Variants in MASP1 observed in about 807,000 individuals in gnomAD.
MASP1 encodes the protein mannan-binding lectin serine protease 1.
Under a neutral mutation model 77.1 loss-of-function variants are expected in MASP1, and 59 were observed. The observed-to-expected ratio is 0.77, with a 90% CI of 0.62 to 0.95. The LOEUF (loss-of-function observed/expected upper bound fraction) is 0.95, where lower values mean the gene tolerates loss of function less well. MASP1 is among the 40% of genes least tolerant of loss of function. The pLI, the probability that MASP1 is intolerant of heterozygous loss-of-function variation, is 0.00. For synonymous variants in MASP1, 362 were observed against 354.5 expected (o/e 1.02, Z -0.24); for missense variants, 885 against 912.9 (o/e 0.97, Z 0.39).
chr3:187,276,407 A>T (rs934581183), intron 2 of MASP1, among the ~76,000 whole-genome samples: 1 of 152,244 alleles, frequency 6.6e-6, no homozygotes, highest in African/African-American at 2.4e-5. Context: ...TAGGCACTGG[A>T]TGAATATTTG....
intron 4 of MASP1, among the ~76,000 whole-genome samples, chr3:187,257,127 G>T (rs1260458507): frequency 6.6e-6 from 1 of 151,992 alleles, no homozygotes; most frequent in Non-Finnish European, 1.5e-5. Flanking sequence ...CTCTGGTATG[G>T]GGGTCAGGGA....
chr3:187,267,082 C>T (rs1419457430), intron 2 of MASP1, among the ~76,000 whole-genome samples: 1 of 152,116 alleles, frequency 6.6e-6, no homozygotes, highest in Admixed American at 6.5e-5. Context: ...AAATTGAAGC[C>T]CAGATAATTT....
chr3:187,286,307 A>G (rs72549266), intron 1 of MASP1, among the ~76,000 whole-genome samples: 112 of 152,368 alleles, frequency 7.4e-4, no homozygotes, highest in Middle Eastern at 6.8e-3. Context: ...CCTAGAAAGT[A>G]TCACATTTGG....
intron 2 of MASP1, among the ~76,000 whole-genome samples, 154 bp from the exon 3 acceptor site, chr3:187,262,874 C>T (rs1480629767): frequency 1.3e-5 from 2 of 152,304 alleles, no homozygotes; most frequent in East Asian, 1.9e-4. Context: ...TGAGAAAAGA[C>T]GCATTACAAG....
chr3:187,217,323 T>C (rs1181217808), exon 16 of MASP1: 1 of 152,228 alleles, frequency 6.6e-6, no homozygotes, highest in Non-Finnish European at 1.5e-5. Context: ...ATGTTTGTTT[T>C]TTCATACGAG....
intron 2 of MASP1, among the ~76,000 whole-genome samples, chr3:187,274,426 G>T (rs528545958): frequency 2.0e-5 from 3 of 152,126 alleles, no homozygotes; most frequent in Non-Finnish European, 4.4e-5. Context: ...ACAACATCAG[G>T]ATGTTCTGAC....
At chr3:187,259,967 C>A (rs116255446) in intron 4 of MASP1, among the ~76,000 whole-genome samples, 2 of 152,164 alleles carry the variant, frequency 1.3e-5, no homozygotes, top group Non-Finnish European at 2.9e-5. Flanking sequence ...GAAGGCCCTT[C>A]TTCTCTTTAT....
chr3:187,228,350 A>G (rs1365705532), intron 11 of MASP1, among the ~76,000 whole-genome samples: 1 of 151,868 alleles, frequency 6.6e-6, no homozygotes, highest in Admixed American at 6.6e-5. Context: ...GGTGCACACA[A>G]TCCATCTCTC....
intron 14 of MASP1, chr3:187,221,150 G>A: frequency 6.3e-7 from 1 of 1,598,536 alleles, no homozygotes; most frequent in Non-Finnish European, 8.6e-7. Flanking sequence ...ACACAAAGCT[G>A]TTATTGGTCC....
At position 187,235,611 on chromosome 3, in the gene MASP1, A is replaced by T. The variant is rs1713083670; in HGVS notation, c.*73T>A. 1 of 1,604,236 alleles carries T rather than the reference A, an allele frequency of 6.2e-7. No individual in the cohort carries two copies. The highest frequency in any genetic ancestry group is 8.5e-7 in the Non-Finnish European group (1 of 1,179,516). On this transcript the variant is annotated 3_prime_UTR_variant, in exon 11 of 11. Transcript: ENST00000296280. ...TTCCATTCCATATGGTCTGATAAGT[A>T]ATGTGGAGTGTGCTGTCGGAAGTGC...
intron 11 of MASP1, among the ~76,000 whole-genome samples, chr3:187,227,958 T>C (rs1236094335): frequency 6.6e-6 from 1 of 152,098 alleles, no homozygotes; most frequent in Non-Finnish European, 1.5e-5. Flanking sequence ...CTCCTATCCT[T>C]CCCCTGCTCT....
At chr3:187,289,754 A>T (rs1315882304) in intron 1 of MASP1, among the ~76,000 whole-genome samples, 9 of 152,162 alleles carry the variant, frequency 5.9e-5, no homozygotes, top group Non-Finnish European at 1.0e-4. Flanking sequence ...AGTAGAAAAA[A>T]TCCTGAACTT....
At chr3:187,228,392 T>C (rs1308325128) in intron 11 of MASP1, among the ~76,000 whole-genome samples, 1 of 152,148 alleles carries the variant, frequency 6.6e-6, no homozygotes, top group Non-Finnish European at 1.5e-5. Context: ...CGGAGCTGTC[T>C]GGTGAAGCAG....
chr3:187,245,976 G>A lies in MASP1; in HGVS notation c.1091-2355C>T, dbSNP rs188811628. ...CCTGGCACTCAGGCCTGGGGGTTTG[G>A]GCTCTAGCCCCCTCCCTGGCCTCAT... is the stretch of plus-strand genomic sequence containing the variant. On this transcript the variant is annotated intron_variant, in intron 8 of 10. Transcript: ENST00000296280. Among the ~76,000 whole-genome samples the A allele has an allele frequency of 2.1e-3, 324 of 152,268 alleles. 1 individual carries two copies. The highest frequency in any genetic ancestry group is 3.5e-3 in the Admixed American group (53 of 15,304).
intron 9 of MASP1, 139 bp from the exon 10 acceptor site, chr3:187,241,694 T>C (rs1268193544): frequency 8.9e-6 from 6 of 673,800 alleles, no homozygotes; most frequent in Non-Finnish European, 1.4e-5. Flanking sequence ...TCAGATACGA[T>C]TGTCTCTGAG....
chr3:187,264,063 A>G (rs1370079859), intron 2 of MASP1, among the ~76,000 whole-genome samples: 1 of 152,216 alleles, frequency 6.6e-6, no homozygotes, highest in African/African-American at 2.4e-5. Context: ...GGCTATCTCT[A>G]GTAGCTTCTA....
exon 16 of MASP1, chr3:187,219,988 G>T: frequency 6.9e-7 from 1 of 1,455,854 alleles, no homozygotes; most frequent in Non-Finnish European, 9.6e-7. Context: ...AGGAAGGAAA[G>T]GAGAAATGGC....
chr3:187,251,669 G>A lies in MASP1; in HGVS notation c.976C>T (p.Leu326Phe). The change falls in exon 7 of 11, where the codon CTC becomes TTC. Residue 326 changes from leucine to phenylalanine, a missense_variant. Coordinates refer to ENST00000296280, the MANE Select transcript of MASP1 (RefSeq NM_139125.4). ...TTGTAGCCTGTGTCACAGCTGACGA[G>A]CACTTGGTCTTTGAAGAAATACTTG... ...QAKYFFKDQV[L>F]VSCDTGYKVL... is the part of the protein sequence containing the mutation. 1 of 1,614,208 alleles carries A rather than the reference G, an allele frequency of 6.2e-7. No individual in the cohort carries two copies. Among genetic ancestry groups the A allele is most frequent in the Non-Finnish European group, 8.5e-7 (1 of 1,180,034 alleles).
At chr3:187,221,809 C>A (rs1712076648) in intron 14 of MASP1, among the ~76,000 whole-genome samples, 1 of 152,056 alleles carries the variant, frequency 6.6e-6, no homozygotes, top group Non-Finnish European at 1.5e-5. Flanking sequence ...TTAGTAGATA[C>A]CCAGAAAATA....
Sources: gnomAD v4.1 joint callset for allele counts (sites outside exome capture counted in the v4.1 genomes callset) on GRCh38, gnomAD v4.1.1 for gene constraint, MANE v1.5 for transcripts, NCBI Gene and HGNC (gene_info 2026-07-23, HGNC 2026-07-21) for gene names.